Variants in UBE2D2 observed in about 807,000 individuals in gnomAD.
UBE2D2 encodes ubiquitin-conjugating enzyme E2 D2.
A neutral mutation model predicts 24.2 loss-of-function variants in UBE2D2; 2 were observed. The ratio of observed to expected loss-of-function variants is 0.08; its 90% CI spans 0.03 to 0.26. UBE2D2 has a LOEUF of 0.26. Ranked by LOEUF, UBE2D2 falls within the 10% of genes least tolerant of loss-of-function variation. UBE2D2 has a pLI of 1.00. For missense variants in UBE2D2, 44 were observed against 177.6 expected (o/e 0.25, Z 4.28); for synonymous variants, 58 against 56.5 (o/e 1.03, Z -0.12).
At chr5:139,533,231 C>T (rs1362572668) in intron 1 of UBE2D2, among the ~76,000 whole-genome samples, 2 of 151,932 alleles carry the variant, frequency 1.3e-5, no homozygotes, top group Non-Finnish European at 2.9e-5. Flanking sequence ...GTCCCCCAGA[C>T]TGAGTGCAGT....
At chr5:139,580,544 C>A (rs987367309) in intron 1 of UBE2D2, among the ~76,000 whole-genome samples, 9 of 152,170 alleles carry the variant, frequency 5.9e-5, no homozygotes, top group African/African-American at 2.2e-4. Context: ...TTACTGCAAC[C>A]TCCGCCTCCC....
At chr5:139,611,305 G>C (rs1216193312) in intron 2 of UBE2D2, among the ~76,000 whole-genome samples, 1 of 146,634 alleles carries the variant, frequency 6.8e-6, no homozygotes, top group Non-Finnish European at 1.5e-5. Flanking sequence ...TCCTGCCTCA[G>C]CCTCCTGAGT....
intron 1 of UBE2D2, among the ~76,000 whole-genome samples, chr5:139,569,768 T>C (rs1753312423): frequency 6.6e-6 from 1 of 152,200 alleles, no homozygotes; most frequent in Admixed American, 6.5e-5. Flanking sequence ...ATTGAGAACC[T>C]GGATTTCTGG....
At chr5:139,617,240 T>C (rs1310609710) in intron 5 of UBE2D2, among the ~76,000 whole-genome samples, 2 of 151,946 alleles carry the variant, frequency 1.3e-5, no homozygotes, top group Non-Finnish European at 2.9e-5. Flanking sequence ...AATACTGTGC[T>C]TGAGAAAAGC....
intron 6 of UBE2D2, among the ~76,000 whole-genome samples, chr5:139,625,441 T>C (rs591830): frequency 0.01 from 11 of 1,070 alleles, no homozygotes; most frequent in African/African-American, 0.017. Flanking sequence ...CCCCCCCCCC[T>C]TTTTTTTTTT....
intron 2 of UBE2D2, among the ~76,000 whole-genome samples, chr5:139,605,716 C>CCT (rs1166116282): frequency 1.3e-5 from 2 of 151,148 alleles, no homozygotes; most frequent in South Asian, 2.1e-4. Flanking sequence ...TCCCTCTCTC[C>CCT]CTCCCTTCTC....
chr5:139,606,320 A>G (rs945095861), intron 2 of UBE2D2, among the ~76,000 whole-genome samples: 5 of 151,548 alleles, frequency 3.3e-5, no homozygotes, highest in African/African-American at 1.2e-4. Flanking sequence ...CACCACCACG[A>G]CCGACTAATT....
chr5:139,623,286 T>C (rs533405120), intron 5 of UBE2D2, 82 bp from the exon 6 acceptor site: 8 of 944,180 alleles, frequency 8.5e-6, no homozygotes, highest in Non-Finnish European at 1.3e-5. Context: ...TTCTTAGAAT[T>C]TTCTCATGTT....
At chr5:139,591,224 A>G (rs1285966047) in intron 1 of UBE2D2, among the ~76,000 whole-genome samples, 1 of 149,312 alleles carries the variant, frequency 6.7e-6, no homozygotes, top group African/African-American at 2.5e-5. Context: ...GGGTTCAAGC[A>G]ATTCTCCTGC....
chr5:139,536,318 C>T (rs928310149), intron 1 of UBE2D2, among the ~76,000 whole-genome samples: 5 of 151,702 alleles, frequency 3.3e-5, no homozygotes, highest in South Asian at 2.1e-4. Context: ...AGGCTGGTCT[C>T]GAACTCCCGA....
At chr5:139,594,641 T>C (rs1203260553) in intron 1 of UBE2D2, among the ~76,000 whole-genome samples, 2 of 152,168 alleles carry the variant, frequency 1.3e-5, no homozygotes, top group Non-Finnish European at 2.9e-5. Flanking sequence ...CTTGAACTGC[T>C]GACCTCAGGT....
intron 1 of UBE2D2, among the ~76,000 whole-genome samples, chr5:139,549,318 C>CT (rs1359099965): frequency 1.3e-5 from 2 of 152,178 alleles, no homozygotes; most frequent in African/African-American, 2.4e-5. Flanking sequence ...GGAGCCAGCT[C>CT]CCTCTGCTTG....
At chr5:139,534,423 G>A (rs572122972) in intron 1 of UBE2D2, among the ~76,000 whole-genome samples, 225 of 152,188 alleles carry the variant, frequency 1.5e-3, no homozygotes, top group African/African-American at 5.3e-3. Context: ...ACCATTAGCC[G>A]GGCGTCGTGG....
At chr5:139,558,524 G>A (rs1433868523), upstream of UBE2D2, among the ~76,000 whole-genome samples, 1 of 152,142 alleles carries the variant, frequency 6.6e-6, no homozygotes, top group Non-Finnish European at 1.5e-5. Context: ...TCCTGACCTC[G>A]TGATCCGCCC....
intron 1 of UBE2D2, among the ~76,000 whole-genome samples, chr5:139,594,339 T>G (rs966230852): frequency 4.6e-5 from 7 of 152,172 alleles, no homozygotes; most frequent in Non-Finnish European, 1.5e-5. Flanking sequence ...GCTATAGTGT[T>G]GTGATATATA....
At chr5:139,527,150 A>T (rs1752550787) in intron 1 of UBE2D2, among the ~76,000 whole-genome samples, 1 of 152,212 alleles carries the variant, frequency 6.6e-6, no homozygotes, top group South Asian at 2.1e-4. Flanking sequence ...ACTGGCTAGC[A>T]TTAGAGGTGG....
intron 5 of UBE2D2, among the ~76,000 whole-genome samples, chr5:139,620,150 G>A (rs1274694108): frequency 2.6e-5 from 4 of 152,152 alleles, no homozygotes; most frequent in Non-Finnish European, 5.9e-5. Flanking sequence ...CTCCCACCAG[G>A]CCCCACCTCC....
At chr5:139,564,443 C>T (rs1383832258) in intron 1 of UBE2D2, among the ~76,000 whole-genome samples, 1 of 148,392 alleles carries the variant, frequency 6.7e-6, no homozygotes, top group East Asian at 2.0e-4. Context: ...CGTGAGCTAC[C>T]GTGCCCGGCC....
chr5:139,585,188 C>T lies in UBE2D2; in HGVS notation c.25-15184C>T, dbSNP rs149753561. ...GTGCTGGGATTACAGGTGTGAGCCA[C>T]GGTGCCCGGCTGCGTGCAGGTCTTT... On this transcript the variant is annotated intron_variant, in intron 1 of 6. Transcript: ENST00000398733. 5.1e-3 allele frequency among the ~76,000 whole-genome samples: 762 copies of T among 150,826 alleles called. 6 individuals carry two copies. The highest frequency in any genetic ancestry group is 7.0e-3 in the Non-Finnish European group (477 of 67,846).
Sources: gnomAD v4.1 joint callset for allele counts (sites outside exome capture counted in the v4.1 genomes callset) on GRCh38, gnomAD v4.1.1 for gene constraint, MANE v1.5 for transcripts, NCBI Gene and HGNC (gene_info 2026-07-23, HGNC 2026-07-21) for gene names.